The following FLYWCH2 variants were observed in gnomAD, a reference collection of about 807,000 sequenced individuals.
The protein encoded by FLYWCH2 is FLYWCH family member 2.
In FLYWCH2, 2 loss-of-function variants were observed where a neutral mutation model predicts 6.0. The observed-to-expected ratio is 0.33, with a 90% CI of 0.14 to 1.04. FLYWCH2 has a LOEUF of 1.04. Among genes scored for constraint, FLYWCH2 ranks in the 50% least tolerant of loss-of-function variants. The probability of loss-of-function intolerance (pLI) is 0.45; values close to 1 mark genes in which losing one functional copy is unlikely to be tolerated. For missense variants in FLYWCH2, 192 were observed against 183.4 expected (o/e 1.05, Z -0.27); for synonymous variants, 87 against 79.3 (o/e 1.10, Z -0.52).
upstream of FLYWCH2, chr16:2,883,214 C>T (rs976829854): frequency 2.0e-5 from 3 of 152,308 alleles, no homozygotes; most frequent in Non-Finnish European, 4.4e-5. Context: ...CGGCCCCAGC[C>T]AGAAGACAGG....
intron 3 of FLYWCH2, 96 bp downstream of exon 3, chr16:2,896,867 C>A: frequency 2.5e-6 from 3 of 1,185,764 alleles, no homozygotes; most frequent in Non-Finnish European, 3.5e-6. Flanking sequence ...CCCTGGCATG[C>A]GGGTCCTTGT....
chr16:2,895,732 A>G (rs2069811870), intron 2 of FLYWCH2, among the ~76,000 whole-genome samples: 1 of 152,254 alleles, frequency 6.6e-6, no homozygotes, highest in South Asian at 2.1e-4. Flanking sequence ...ATGGTCTGCA[A>G]AGTGCTGGCA....
chr16:2,895,478 G>C (rs2069808582), intron 2 of FLYWCH2, among the ~76,000 whole-genome samples, 158 bp downstream of exon 2: 1 of 152,228 alleles, frequency 6.6e-6, no homozygotes, highest in African/African-American at 2.4e-5. Context: ...GCCGGGCGTG[G>C]TGGCGGGCGC....
intron 1 of FLYWCH2, among the ~76,000 whole-genome samples, chr16:2,890,861 C>T (rs2069749794): frequency 6.6e-6 from 1 of 152,158 alleles, no homozygotes. Flanking sequence ...GCCACCTCGC[C>T]CAGCCCAGAT....
At chr16:2,894,115 G>C (rs1238484510) in intron 1 of FLYWCH2, among the ~76,000 whole-genome samples, 1 of 152,170 alleles carries the variant, frequency 6.6e-6, no homozygotes, top group Non-Finnish European at 1.5e-5. Context: ...ATAAGGAGGC[G>C]TGCAGTCTGG....
At chr16:2,895,977 G>A (rs888121016) in intron 2 of FLYWCH2, among the ~76,000 whole-genome samples, 2 of 152,232 alleles carry the variant, frequency 1.3e-5, no homozygotes, top group Non-Finnish European at 2.9e-5. Context: ...AGAACAGCCT[G>A]CTGTCATAAC....
At chr16:2,886,800 TG>T (rs2069704027) in intron 1 of FLYWCH2, among the ~76,000 whole-genome samples, 2 of 152,018 alleles carry the variant, frequency 1.3e-5, no homozygotes, top group East Asian at 1.9e-4. Context: ...GGATTACAGG[TG>T]TGAGCCACCA....
intron 1 of FLYWCH2, among the ~76,000 whole-genome samples, chr16:2,893,072 C>T (rs1358871412): frequency 6.6e-6 from 1 of 151,306 alleles, no homozygotes; most frequent in Non-Finnish European, 1.5e-5. Flanking sequence ...GGCTCACTTT[C>T]CATTCCCACC....
At chr16:2,898,548 A>G (rs1451639636) in intron 3 of FLYWCH2, among the ~76,000 whole-genome samples, 1 of 152,156 alleles carries the variant, frequency 6.6e-6, no homozygotes, top group Non-Finnish European at 1.5e-5. Flanking sequence ...GCTCTGTGGA[A>G]TGAGACCATC....
At chr16:2,887,936 C>T (rs62032290) in intron 1 of FLYWCH2, among the ~76,000 whole-genome samples, 79 of 152,068 alleles carry the variant, frequency 5.2e-4, no homozygotes, top group Admixed American at 8.5e-4. Flanking sequence ...AATCAGTTCA[C>T]CATATATATA....
intron 1 of FLYWCH2, among the ~76,000 whole-genome samples, chr16:2,887,301 A>G (rs970334198): frequency 1.4e-5 from 2 of 139,222 alleles, no homozygotes; most frequent in African/African-American, 2.7e-5. Flanking sequence ...GCACACCACC[A>G]TGCCCGGCTT....
chr16:2,894,458 C>T (rs1026480243), intron 1 of FLYWCH2, among the ~76,000 whole-genome samples: 48 of 152,156 alleles, frequency 3.2e-4, no homozygotes, highest in African/African-American at 1.1e-3. Flanking sequence ...AGCCAATCAG[C>T]GTGTGAAGCA....
intron 1 of FLYWCH2, among the ~76,000 whole-genome samples, chr16:2,889,820 T>C (rs2069736284): frequency 6.6e-6 from 1 of 152,152 alleles, no homozygotes; most frequent in East Asian, 1.9e-4. Context: ...GCACAGTGGC[T>C]CACACCTGTA....
intron 1 of FLYWCH2, among the ~76,000 whole-genome samples, chr16:2,892,857 A>G (rs1290151231): frequency 7.0e-6 from 1 of 143,280 alleles, no homozygotes; most frequent in Non-Finnish European, 1.5e-5. Context: ...AATAACTAAA[A>G]TTTATATATA....
intron 1 of FLYWCH2, among the ~76,000 whole-genome samples, chr16:2,883,633 G>A (rs1433298671): frequency 4.6e-5 from 7 of 152,170 alleles, no homozygotes. Flanking sequence ...GGCCGTGTCC[G>A]CCGCGCCCAG....
At chr16:2,896,960 C>G (rs1193759484) in intron 3 of FLYWCH2, 189 bp downstream of exon 3, 3 of 624,620 alleles carry the variant, frequency 4.8e-6, no homozygotes, top group Admixed American at 6.0e-5. Context: ...CCAACCCTGC[C>G]TCTGAGCGGC....
chr16:2,885,117 T>G (rs938625976), intron 1 of FLYWCH2, among the ~76,000 whole-genome samples: 6 of 152,212 alleles, frequency 3.9e-5, no homozygotes, highest in Non-Finnish European at 7.4e-5. Flanking sequence ...GGTCAGGAGA[T>G]CGAGACCATC....
intron 1 of FLYWCH2, among the ~76,000 whole-genome samples, chr16:2,891,467 C>T (rs1371621600): frequency 6.6e-6 from 1 of 151,852 alleles, no homozygotes; most frequent in African/African-American, 2.4e-5. Context: ...TGCGGTGGCG[C>T]GATATCGGCT....
intron 3 of FLYWCH2, chr16:2,898,625 G>C (rs2069848834): frequency 6.1e-6 from 1 of 162,946 alleles, no homozygotes; most frequent in East Asian, 1.8e-4. Context: ...CTGGGGCCGT[G>C]GTGCCTTTGT....
Sources: gnomAD v4.1 joint callset for allele counts (sites outside exome capture counted in the v4.1 genomes callset) on GRCh38, gnomAD v4.1.1 for gene constraint, MANE v1.5 for transcripts, NCBI Gene and HGNC (gene_info 2026-07-23, HGNC 2026-07-21) for gene names.